LACC1: variants seen among roughly 807,000 people sequenced by gnomAD.
The protein encoded by LACC1 is laccase domain multifunctional purine nucleosidase 1, also known as purine nucleoside phosphorylase LACC1.
Under a neutral mutation model 34.8 loss-of-function variants are expected in LACC1, and 25 were observed. The ratio of observed to expected loss-of-function variants is 0.72; its 90% CI spans 0.52 to 1.00. LACC1 has a LOEUF of 1.00. Among genes scored for constraint, LACC1 ranks in the 50% least tolerant of loss-of-function variants. The pLI, the probability that LACC1 is intolerant of heterozygous loss-of-function variation, is 0.00. For synonymous variants in LACC1, 162 were observed against 168.0 expected (o/e 0.96, Z 0.28); for missense variants, 426 against 511.2 (o/e 0.83, Z 1.61).
At chr13:43,882,098 G>T (rs1238333803) in intron 2 of LACC1, 87 bp from the exon 3 acceptor site, 4 of 940,374 alleles carry the variant, frequency 4.3e-6, no homozygotes, top group Non-Finnish European at 6.3e-6. Context: ...AATAACAAGG[G>T]CAGGTAGCAG....
Position 43,890,280 on chromosome 13 carries a change from G to A in LACC1, c.*1+6G>A, listed in dbSNP as rs939568120. 1.9e-6 allele frequency: 3 copies of A among 1,608,878 alleles called. No homozygotes were observed. The highest frequency in any genetic ancestry group is 3.4e-5 in the Admixed American group (2 of 59,496). On this transcript the variant is annotated splice_donor_region_variant and intron_variant, in intron 6 of 6. Coordinates refer to ENST00000325686, the MANE Select transcript of LACC1 (RefSeq NM_153218.4). The stretch of plus-strand genomic sequence containing the variant: ...CATATCAATTAAAGAATGAGGTACA[G>A]TAGGTTTTCTCTCCTCTCTCCGTTT...
chr13:43,887,624 A>G (rs997952004), intron 4 of LACC1, among the ~76,000 whole-genome samples: 1 of 152,176 alleles, frequency 6.6e-6, no homozygotes, highest in Non-Finnish European at 1.5e-5. Context: ...ATATTTTTGT[A>G]AAAAGGGAGA....
chr13:43,883,759 T>A lies in LACC1; in HGVS notation c.742-12T>A. ...TTTCCAAAACATTTTTGTTGCACAT[T>A]TTTGGTATTAGACTCATCATTCCAA... On this transcript the variant is annotated splice_polypyrimidine_tract_variant and intron_variant, in intron 3 of 6. Coordinates refer to ENST00000325686, the MANE Select transcript of LACC1 (RefSeq NM_153218.4). 1 of 1,575,966 alleles carries A rather than the reference T, an allele frequency of 6.3e-7. No homozygotes were observed. Among genetic ancestry groups the A allele is most frequent in the Non-Finnish European group, 8.6e-7 (1 of 1,159,052 alleles).
chr13:43,888,210 G>A (rs1290583623), intron 4 of LACC1, among the ~76,000 whole-genome samples: 2 of 152,112 alleles, frequency 1.3e-5, no homozygotes, highest in Non-Finnish European at 2.9e-5. Flanking sequence ...GATAAATACT[G>A]TATTGATTTC....
intron 5 of LACC1, among the ~76,000 whole-genome samples, 157 bp downstream of exon 5, chr13:43,889,139 G>A (rs1193316854): frequency 1.3e-5 from 2 of 152,158 alleles, no homozygotes; most frequent in African/African-American, 4.8e-5. Context: ...TTTTAAATAT[G>A]AAATCTGTTT....
chr13:43,881,062 A>C lies in LACC1; in HGVS notation c.77A>C (p.Lys26Thr), dbSNP rs1954998326. The C allele has an allele frequency of 1.2e-6, 2 of 1,614,190 alleles. No individual in the cohort carries two copies. The highest frequency in any genetic ancestry group is 4.5e-5 in the East Asian group (2 of 44,878). ...AAAAACTGCCATCAGACATTACTGAAGACTTTGAATGCTGTCCAATACCAC... is the reference window on the plus strand; with the variant it reads ...AAAAACTGCCATCAGACATTACTGACGACTTTGAATGCTGTCCAATACCAC... ...SQKNCHQTLL[K>T]TLNAVQYHHA... is the part of the protein sequence containing the mutation. The change falls in exon 2 of 7, where the codon AAG becomes ACG. Residue 26 changes from lysine (K) to threonine (T), a missense_variant. Lys to Thr is a moderately conservative substitution (Grantham distance 78, BLOSUM62 -1). Around this residue, in one of 2 missense-constraint regions of LACC1, gnomAD observed 217 missense variants for 210.9 expected, o/e 1.03. Transcript: ENST00000325686.
intron 4 of LACC1, among the ~76,000 whole-genome samples, chr13:43,888,372 A>G (rs1955427032): frequency 6.6e-6 from 1 of 152,194 alleles, no homozygotes; most frequent in Non-Finnish European, 1.5e-5. Context: ...GAGATTGGTT[A>G]TACAACAATG....
Position 43,881,409 on chromosome 13 carries a change from C to A in LACC1, c.424C>A (p.Leu142Ile). The A allele has an allele frequency of 6.2e-7, 1 of 1,614,052 alleles. No homozygotes were observed. The highest frequency in any genetic ancestry group is 1.1e-5 in the South Asian group (1 of 91,076). Residue 142 changes from leucine (L) to isoleucine (I), a missense_variant, in exon 2 of 7, where the codon CTT (leucine) becomes ATT (isoleucine). Leu to Ile is a conservative substitution (Grantham distance 5). Transcript: ENST00000325686. ...TTTGCAAGTGACTTTTAGGGGAGGGCTTTTTAAACAGTCCATTGAAATAAA... is the reference window on the plus strand; with the variant it reads ...TTTGCAAGTGACTTTTAGGGGAGGGATTTTTAAACAGTCCATTGAAATAAA... ...EDLQVTFRGG[L>I]FKQSIEINVI...
chr13:43,887,059 A>G (rs1381796934), intron 4 of LACC1, among the ~76,000 whole-genome samples: 1 of 152,130 alleles, frequency 6.6e-6, no homozygotes, highest in Non-Finnish European at 1.5e-5. Context: ...CCCTTTGAAC[A>G]TCACTGTCTG....
Position 43,881,069 on chromosome 13 carries a change from GA to G in LACC1, c.86del (p.Asn29MetfsTer16). ...GCCATCAGACATTACTGAAGACTTTGAATGCTGTCCAATACCACCATGCTGC... is the reference window on the plus strand; with the variant it reads ...GCCATCAGACATTACTGAAGACTTTGATGCTGTCCAATACCACCATGCTGC... The part of the protein sequence containing the change: ...NCHQTLLKTL[N>X]AVQYHHAAKA... On this transcript the variant is annotated frameshift_variant, in exon 2 of 7. Transcript: ENST00000325686. LOFTEE classifies it high-confidence loss of function. 1 of 1,614,182 alleles carries G rather than the reference GA, an allele frequency of 6.2e-7. No homozygotes were observed. The highest frequency in any genetic ancestry group is 8.5e-7 in the Non-Finnish European group (1 of 1,180,024).
intron 4 of LACC1, among the ~76,000 whole-genome samples, chr13:43,885,981 T>G (rs532693961): frequency 1.9e-4 from 29 of 152,028 alleles, no homozygotes; most frequent in Middle Eastern, 6.8e-3. Flanking sequence ...GACTTACACG[T>G]GGTCAACAAG....
At chr13:43,885,611 A>G (rs751659256) in intron 4 of LACC1, among the ~76,000 whole-genome samples, 14 of 152,200 alleles carry the variant, frequency 9.2e-5, no homozygotes, top group Non-Finnish European at 1.8e-4. Context: ...CTAACTCAAC[A>G]TGGGTTAAAG....
chr13:43,879,201 C>A (rs989150530), upstream of LACC1: 3 of 152,628 alleles, frequency 2.0e-5, no homozygotes, highest in Non-Finnish European at 4.4e-5. Context: ...ACCCACCATT[C>A]CCGCCGCCCC....
chr13:43,882,697 A>G (rs915698170), intron 3 of LACC1, among the ~76,000 whole-genome samples: 2 of 152,000 alleles, frequency 1.3e-5, no homozygotes, highest in African/African-American at 4.8e-5. Context: ...AATTGATATA[A>G]ATAAGAATAA....
At chr13:43,882,945 A>G (rs1396196579) in intron 3 of LACC1, among the ~76,000 whole-genome samples, 1 of 152,036 alleles carries the variant, frequency 6.6e-6, no homozygotes, top group South Asian at 2.1e-4. Flanking sequence ...ACACCATTCC[A>G]TTGCAGGGTG....
At chr13:43,880,899 GTAACTA>G in intron 1 of LACC1, 47 bp from the exon 2 acceptor site, 1 of 1,154,868 alleles carries the variant, frequency 8.7e-7, no homozygotes, top group Non-Finnish European at 1.2e-6. Flanking sequence ...AATTTCTGTT[GTAACTA>G]TAAGATTTAT....
At chr13:43,881,648 GT>G in intron 2 of LACC1, 101 bp downstream of exon 2, 1 of 875,954 alleles carries the variant, frequency 1.1e-6, no homozygotes, top group Non-Finnish European at 1.7e-6. Context: ...TTTGTTGACT[GT>G]TGTGGGCTGA....
upstream of LACC1, chr13:43,879,768 G>GTGGGCGAGGTGAGGC: frequency 8.4e-6 from 1 of 119,560 alleles, no homozygotes. Flanking sequence ...GGTGGGCGAG[G>GTGGGCGAGGTGAGGC]GGGGCGAGGT....
chr13:43,890,149 A>G lies in LACC1; in HGVS notation c.1169A>G (p.Asn390Ser), dbSNP rs1257368716. 1 of 1,613,056 alleles carries G rather than the reference A, an allele frequency of 6.2e-7. No individual in the cohort carries two copies. Among genetic ancestry groups the G allele is most frequent in the African/African-American group, 1.3e-5 (1 of 74,884 alleles). The change falls in exon 6 of 7, where the codon AAT (asparagine) becomes AGT (serine). Residue 390 changes from asparagine (N) to serine (S), a missense_variant. Coordinates refer to ENST00000325686, the MANE Select transcript of LACC1 (RefSeq NM_153218.4). The part of the protein sequence containing the change: ...LLEQGGILPQ[N>S]IQDQNQDLNL... ...GAACAGGGAGGAATTCTTCCACAGAATATTCAGGACCAGAACCAAGATCTC... is the reference window on the plus strand; with the variant it reads ...GAACAGGGAGGAATTCTTCCACAGAGTATTCAGGACCAGAACCAAGATCTC...
Sources: allele counts gnomAD v4.1 joint callset (sites outside exome capture counted in the v4.1 genomes callset), GRCh38; gene constraint gnomAD v4.1.1; regional missense constraint gnomAD v4.1.1; transcripts MANE v1.5; gene names NCBI Gene and HGNC (gene_info 2026-07-23, HGNC 2026-07-21).